TEAD1: variants seen among roughly 807,000 people sequenced by gnomAD.
The protein encoded by TEAD1 is transcriptional enhancer factor TEF-1.
Under a neutral mutation model 54.9 loss-of-function variants are expected in TEAD1, and 9 were observed. The ratio of observed to expected loss-of-function variants is 0.16; its 90% CI spans 0.10 to 0.29. The LOEUF is 0.29. Ranked by LOEUF, TEAD1 falls within the 10% of genes least tolerant of loss-of-function variation. The pLI is 1.00. For missense variants in TEAD1, 387 were observed against 535.9 expected, an observed-to-expected ratio of 0.72 and a Z score of 2.74; for synonymous variants, 200 against 187.8, an observed-to-expected ratio of 1.07 and a Z score of -0.53.
At chr11:12,677,478 C>T (rs2133805604) in intron 2 of TEAD1, among the ~76,000 whole-genome samples, 1 of 152,176 alleles carries the variant, frequency 6.6e-6, no homozygotes, top group South Asian at 2.1e-4. Flanking sequence ...ACTGGAGTCC[C>T]CTTTTATTTA....
At chr11:12,797,815 C>G (rs1945966983) in intron 3 of TEAD1, among the ~76,000 whole-genome samples, 1 of 152,084 alleles carries the variant, frequency 6.6e-6, no homozygotes, top group Non-Finnish European at 1.5e-5. Context: ...TCAGTGTATC[C>G]TATCTACTAT....
intron 3 of TEAD1, among the ~76,000 whole-genome samples, chr11:12,772,903 A>G (rs1160588833): frequency 6.6e-6 from 1 of 152,214 alleles, no homozygotes; most frequent in East Asian, 1.9e-4. Context: ...CACAATCAGA[A>G]TACAGAACAG....
chr11:12,839,630 G>C (rs1054176931), intron 3 of TEAD1, among the ~76,000 whole-genome samples: 2 of 152,178 alleles, frequency 1.3e-5, no homozygotes, highest in Non-Finnish European at 2.9e-5. Context: ...TAGAGATGTT[G>C]GTTGGGAAAG....
intron 10 of TEAD1, chr11:12,904,934 G>C (rs1948493292): frequency 4.1e-5 from 12 of 292,942 alleles, no homozygotes; most frequent in South Asian, 3.7e-4. Context: ...GTCAGGGTCA[G>C]GCTGTCTGGT....
chr11:12,783,192 CTTT>C (rs3046326), intron 3 of TEAD1, among the ~76,000 whole-genome samples: 8 of 99,548 alleles, frequency 8.0e-5, no homozygotes, highest in Non-Finnish European at 1.4e-4. Flanking sequence ...GTTTTTGTGC[CTTT>C]TTTTTTTTTT....
chr11:12,729,747 T>G (rs1944382854), intron 2 of TEAD1, among the ~76,000 whole-genome samples: 1 of 152,200 alleles, frequency 6.6e-6, no homozygotes, highest in Non-Finnish European at 1.5e-5. Context: ...CAACCCTGTG[T>G]GATCTCTAAG....
intron 10 of TEAD1, chr11:12,922,432 G>A (rs1258350377): frequency 4.0e-5 from 2 of 49,750 alleles, no homozygotes; most frequent in African/African-American, 7.7e-5. Flanking sequence ...TCCTGACCTT[G>A]TGATCCGCCC....
At chr11:12,731,588 A>C (rs1944426116) in intron 2 of TEAD1, among the ~76,000 whole-genome samples, 1 of 152,150 alleles carries the variant, frequency 6.6e-6, no homozygotes, top group South Asian at 2.1e-4. Flanking sequence ...AGGATATATA[A>C]TTTATTCCCG....
At chr11:12,732,464 G>A (rs115875715) in intron 2 of TEAD1, among the ~76,000 whole-genome samples, 1,688 of 152,270 alleles carry the variant, frequency 0.011, 32 homozygotes, top group African/African-American at 0.037. Flanking sequence ...GCTTGGTGGT[G>A]GTGGGTATCA....
rs1564986691 is a variant in TEAD1, at chr11:12,908,881, C to CTTTTTT, written c.873+6769_873+6770insTTTTTT. On this transcript the variant is annotated intron_variant, in intron 10 of 12. Transcript: ENST00000527636. ...TATATGTCAGTATACTTCAAATTAT[C>CTTTTTT]TGTTTTTTTTTTTTTGAGACAGTGT... Among the ~76,000 whole-genome samples the CTTTTTT allele has an allele frequency of 8.1e-5, 6 of 74,310 alleles. 1 individual carries two copies. Among genetic ancestry groups the CTTTTTT allele is most frequent in the African/African-American group, 1.2e-4 (2 of 16,046 alleles). The allele number at this position is 74,310 out of a possible 152,430, so 48.8% of individuals were successfully genotyped here.
intron 9 of TEAD1, among the ~76,000 whole-genome samples, chr11:12,894,695 G>T (rs1348945154): frequency 5.3e-5 from 8 of 152,168 alleles, no homozygotes; most frequent in African/African-American, 1.9e-4. Flanking sequence ...TCGCCTTAAT[G>T]AGTCTGAAAC....
intron 10 of TEAD1, among the ~76,000 whole-genome samples, chr11:12,920,820 T>C (rs533844704): frequency 4.2e-4 from 64 of 152,330 alleles, no homozygotes; most frequent in Middle Eastern, 3.4e-3. Context: ...CACAAACTTA[T>C]TGCAGCATCA....
chr11:12,763,232 G>T (rs1253992548), intron 2 of TEAD1, among the ~76,000 whole-genome samples: 2 of 152,188 alleles, frequency 1.3e-5, no homozygotes, highest in Non-Finnish European at 2.9e-5. Flanking sequence ...ATCTTTCAGA[G>T]ATTTTTTTTG....
chr11:12,746,945 G>A (rs533249948), intron 2 of TEAD1, among the ~76,000 whole-genome samples: 3 of 152,332 alleles, frequency 2.0e-5, no homozygotes, highest in African/African-American at 2.4e-5. Context: ...GTGCGGCTCA[G>A]CAGGTGGCAG....
chr11:12,755,204 A>G (rs771737605), intron 2 of TEAD1, among the ~76,000 whole-genome samples: 9 of 152,102 alleles, frequency 5.9e-5, no homozygotes, highest in Non-Finnish European at 7.4e-5. Context: ...ATGGTATAAG[A>G]CCCATTTCTA....
intron 10 of TEAD1, among the ~76,000 whole-genome samples, chr11:12,910,484 A>G (rs1195361279): frequency 3.9e-5 from 6 of 152,210 alleles, no homozygotes; most frequent in African/African-American, 1.4e-4. Flanking sequence ...CTTAGTCTTA[A>G]ACTTTGATTG....
At chr11:12,861,017 A>T (rs1228435031) in intron 3 of TEAD1, among the ~76,000 whole-genome samples, 1 of 152,232 alleles carries the variant, frequency 6.6e-6, no homozygotes, top group Non-Finnish European at 1.5e-5. Context: ...TGACCAAAGG[A>T]ATTTTTCACA....
intron 5 of TEAD1, among the ~76,000 whole-genome samples, chr11:12,868,555 A>C (rs1947672263): frequency 6.6e-6 from 1 of 152,182 alleles, no homozygotes; most frequent in Admixed American, 6.5e-5. Context: ...CGTTAGAATA[A>C]ATTCTAAAGG....
intron 3 of TEAD1, among the ~76,000 whole-genome samples, chr11:12,830,023 A>G (rs1289710659): frequency 6.6e-6 from 1 of 152,002 alleles, no homozygotes; most frequent in Non-Finnish European, 1.5e-5. Flanking sequence ...GAGTGGAGAG[A>G]TAGAGGGAGA....
Sources: gnomAD v4.1 joint callset for allele counts (sites outside exome capture counted in the v4.1 genomes callset) on GRCh38, gnomAD v4.1.1 for gene constraint, MANE v1.5 for transcripts, NCBI Gene and HGNC (gene_info 2026-07-23, HGNC 2026-07-21) for gene names.